The following IQCM variants were observed in gnomAD, a reference collection of about 807,000 sequenced individuals.
IQCM encodes IQ motif containing M.
IQCM carries 45 observed loss-of-function variants against 57.6 expected under a neutral mutation model. The observed-to-expected ratio is 0.78, with a 90% confidence interval of 0.62 to 1.00. IQCM has a LOEUF of 1.00. Among genes scored for constraint, IQCM ranks in the 50% least tolerant of loss-of-function variants. IQCM has a pLI of 0.00. For synonymous variants in IQCM, 148 were observed against 158.9 expected (o/e 0.93, Z 0.51); for missense variants, 468 against 511.6 (o/e 0.91, Z 0.82).
intron 13 of IQCM, among the ~76,000 whole-genome samples, chr4:149,413,424 G>A (rs901559860): frequency 3.9e-5 from 6 of 152,252 alleles, no homozygotes; most frequent in South Asian, 2.1e-4. Flanking sequence ...AGAGGCTGAC[G>A]CTGAGATAGG....
intron 2 of IQCM, among the ~76,000 whole-genome samples, chr4:149,757,029 C>T (rs913463737): frequency 1.3e-5 from 2 of 152,140 alleles, no homozygotes; most frequent in South Asian, 2.1e-4. Flanking sequence ...GAGGCCAAGG[C>T]GGGTGGATCA....
At chr4:149,811,076 T>G (rs1774524399) in intron 2 of IQCM, among the ~76,000 whole-genome samples, 1 of 152,190 alleles carries the variant, frequency 6.6e-6, no homozygotes, top group South Asian at 2.1e-4. Flanking sequence ...GCCTAAAAAT[T>G]TCTAAAATAA....
At chr4:149,711,236 A>G (rs2149832055) in intron 5 of IQCM, 1 of 152,292 alleles carries the variant, frequency 6.6e-6, no homozygotes, top group South Asian at 2.1e-4. Context: ...ATTTGGAAAA[A>G]GACTAAGAGT....
At chr4:149,489,551 A>C (rs1372591036) in intron 12 of IQCM, among the ~76,000 whole-genome samples, 1 of 152,002 alleles carries the variant, frequency 6.6e-6, no homozygotes, top group Non-Finnish European at 1.5e-5. Flanking sequence ...TCTTTAATAA[A>C]GGTTTAATTC....
At chr4:149,591,308 T>C (rs902502454) in intron 8 of IQCM, among the ~76,000 whole-genome samples, 1 of 152,070 alleles carries the variant, frequency 6.6e-6, no homozygotes, top group Non-Finnish European at 1.5e-5. Context: ...AATTCTTTCA[T>C]TAATAAACCA....
At chr4:149,668,455 C>A (rs1186148695) in intron 7 of IQCM, among the ~76,000 whole-genome samples, 1 of 152,054 alleles carries the variant, frequency 6.6e-6, no homozygotes, top group Non-Finnish European at 1.5e-5. Flanking sequence ...AAAACTGGTA[C>A]CAGCCACTGC....
In IQCM at chr4:149,670,513, C is replaced by T. The variant is rs544570131; in HGVS notation, c.565+11605G>A. On this transcript the variant is annotated intron_variant, in intron 7 of 13. Transcript: ENST00000636793. ...GCCCTGGCCAGAACTTCCAACACTA[C>T]GTTGAATAGGAGTGGTGAGAGAGGG... 1.2e-4 allele frequency among the ~76,000 whole-genome samples: 18 copies of T among 152,124 alleles called. No homozygotes were observed. The East Asian group carries it at 2.5e-3, about 21-fold the overall frequency.
chr4:149,694,153 C>T (rs1408668192), intron 5 of IQCM, among the ~76,000 whole-genome samples: 1 of 151,640 alleles, frequency 6.6e-6, no homozygotes, highest in Non-Finnish European at 1.5e-5. Context: ...CATTTAATAC[C>T]TCTTATTCAG....
Position 149,790,856 on chromosome 4 carries a change from T to C in IQCM, c.-49+24455A>G, listed in dbSNP as rs200965311. Among the ~76,000 whole-genome samples the C allele has an allele frequency of 9.8e-5, 15 of 152,288 alleles. No homozygotes were observed. In the East Asian group the frequency reaches 2.9e-3, roughly 29 times the overall value. On this transcript the variant is annotated intron_variant, in intron 2 of 13. Coordinates refer to ENST00000636793, the MANE Select transcript of IQCM (RefSeq NM_001363507.2). ...TTTTTTTTTTGGTACTTTTATTTAT[T>C]CTATCAGTCTTTTTAACAAATGTTT... is the stretch of plus-strand genomic sequence containing the variant.
At chr4:149,488,890 T>C (rs968316524) in intron 12 of IQCM, among the ~76,000 whole-genome samples, 8 of 152,180 alleles carry the variant, frequency 5.3e-5, no homozygotes, top group African/African-American at 1.4e-4. Flanking sequence ...TAGCCTTTTA[T>C]ATAGAATAGT....
intron 12 of IQCM, among the ~76,000 whole-genome samples, chr4:149,485,130 T>C (rs190329720): frequency 1.5e-4 from 23 of 152,206 alleles, no homozygotes; most frequent in African/African-American, 5.3e-4. Flanking sequence ...CTTGATACTT[T>C]TGGGATCCTT....
At chr4:149,399,883 C>CT (rs1399810543) in intron 13 of IQCM, among the ~76,000 whole-genome samples, 1 of 151,980 alleles carries the variant, frequency 6.6e-6, no homozygotes, top group Non-Finnish European at 1.5e-5. Flanking sequence ...AATTGTTATC[C>CT]TTTTTGAGAG....
At chr4:149,481,701 G>GTTTTTTTTTTTTTTTTTTTTGTTTT (rs1740844816) in intron 12 of IQCM, among the ~76,000 whole-genome samples, 2 of 51,548 alleles carry the variant, frequency 3.9e-5, no homozygotes, top group Non-Finnish European at 3.7e-5. Context: ...TTCCAGTTTT[G>GTTTTTTTTTTTTTTTTTTTTGTTTT]TTTTTTTTTT....
intron 7 of IQCM, among the ~76,000 whole-genome samples, chr4:149,648,522 T>C (rs577334750): frequency 4.7e-4 from 71 of 152,346 alleles, no homozygotes; most frequent in African/African-American, 1.7e-3. Flanking sequence ...TGTGTCTTTA[T>C]AGCAGCATGA....
At chr4:149,427,465 T>C (rs1734542149) in intron 13 of IQCM, among the ~76,000 whole-genome samples, 1 of 151,956 alleles carries the variant, frequency 6.6e-6, no homozygotes, top group Non-Finnish European at 1.5e-5. Flanking sequence ...TCCAACATGC[T>C]TGGTGAAGTT....
chr4:149,760,902 A>C (rs1449054260), intron 2 of IQCM, among the ~76,000 whole-genome samples: 2 of 152,090 alleles, frequency 1.3e-5, no homozygotes, highest in African/African-American at 4.8e-5. Context: ...CAGGACTCCC[A>C]TATTATGCCC....
chr4:149,723,293 G>A (rs528453328), intron 5 of IQCM, among the ~76,000 whole-genome samples: 36 of 152,060 alleles, frequency 2.4e-4, no homozygotes, highest in African/African-American at 8.4e-4. Flanking sequence ...TCTCTTGCCT[G>A]ATTGCTCTGC....
intron 7 of IQCM, among the ~76,000 whole-genome samples, chr4:149,640,413 C>A (rs1259833607): frequency 6.6e-6 from 1 of 152,176 alleles, no homozygotes; most frequent in East Asian, 1.9e-4. Flanking sequence ...TAATGCTTCA[C>A]AATTTATAAA....
chr4:149,709,651 G>T (rs1003861337), intron 5 of IQCM, among the ~76,000 whole-genome samples: 2 of 152,164 alleles, frequency 1.3e-5, no homozygotes, highest in Non-Finnish European at 2.9e-5. Flanking sequence ...CTTGGTGTTT[G>T]ATCTTTAGTC....
Sources: allele counts gnomAD v4.1 joint callset (sites outside exome capture counted in the v4.1 genomes callset), GRCh38; gene constraint gnomAD v4.1.1; transcripts MANE v1.5; gene names NCBI Gene and HGNC (gene_info 2026-07-23, HGNC 2026-07-21).